STK35: variants seen among roughly 807,000 people sequenced by gnomAD.
The protein encoded by STK35 is serine/threonine-protein kinase 35.
Under a neutral mutation model 37.3 loss-of-function variants are expected in STK35, and 17 were observed. The observed-to-expected ratio is 0.46, with a 90% CI of 0.31 to 0.68. STK35 has a LOEUF of 0.68. Ranked by LOEUF, STK35 falls within the 30% of genes least tolerant of loss-of-function variation. STK35 has a pLI of 0.05. For synonymous variants in STK35, 385 were observed against 319.1 expected, an observed-to-expected ratio of 1.21 and a Z score of -2.20; for missense variants, 595 against 746.7, an observed-to-expected ratio of 0.80 and a Z score of 2.37.
At chr20:2,116,243 A>G (rs1469026354) in intron 2 of STK35, among the ~76,000 whole-genome samples, 1 of 152,184 alleles carries the variant, frequency 6.6e-6, no homozygotes, top group Non-Finnish European at 1.5e-5. Flanking sequence ...TCTACAAGTC[A>G]GGAAAAAAGA....
intron 3 of STK35, among the ~76,000 whole-genome samples, chr20:2,141,967 T>C (rs1404786276): frequency 1.3e-5 from 2 of 152,242 alleles, no homozygotes; most frequent in Non-Finnish European, 2.9e-5. Flanking sequence ...TCTGTTAAGC[T>C]TGGCTTTCAG....
At position 2,146,695 on chromosome 20, in the gene STK35, G is replaced by A. The variant is rs566820039; in HGVS notation, c.*2949G>A. 7 of 152,624 alleles carry A rather than the reference G, an allele frequency of 4.6e-5. No homozygotes were observed. In the South Asian group the frequency reaches 1.5e-3, roughly 32 times the overall value. 9.5% of individuals were successfully genotyped at this position (152,624 alleles called of 1,614,324 possible). ...CTCTCTCTCATTCCCAGAGAGCCACGGGGGAGGGATCACCCTCACCCCCAA... is the reference window on the plus strand; with the variant it reads ...CTCTCTCTCATTCCCAGAGAGCCACAGGGGAGGGATCACCCTCACCCCCAA... On this transcript the variant is annotated 3_prime_UTR_variant, in exon 4 of 4. Transcript: ENST00000381482.
In STK35 at chr20:2,102,897, C is replaced by T; in HGVS notation, c.424C>T (p.Arg142Cys). 9 of 1,565,762 alleles carry T rather than the reference C, an allele frequency of 5.7e-6. No individual in the cohort carries two copies. The highest frequency in any genetic ancestry group is 1.4e-5 in the African/African-American group (1 of 72,254). Residue 142 changes from arginine to cysteine, a missense_variant, in exon 2 of 4, where the codon CGC (arginine) becomes TGC (cysteine). By Grantham distance (180) the Arg-to-Cys change is radical (BLOSUM62 -3). This residue lies in a region of STK35 where 389 missense variants were observed against 320.0 expected (regional missense o/e 1.22). Coordinates refer to ENST00000381482, the MANE Select transcript of STK35 (RefSeq NM_080836.4). ...AAMETGKDGA[R>C]RGTQSPERKR... ...CATGGAAACGGGGAAGGACGGCGCC[C>T]GCAGAGGTACACAAAGCCCGGAGCG...
intron 3 of STK35, among the ~76,000 whole-genome samples, chr20:2,140,216 C>A (rs1285064916): frequency 6.6e-6 from 1 of 152,174 alleles, no homozygotes; most frequent in South Asian, 2.1e-4. Context: ...GATTTTTGCC[C>A]TCAAGGAGCG....
chr20:2,128,722 G>A (rs901371068), intron 3 of STK35, among the ~76,000 whole-genome samples: 1 of 152,138 alleles, frequency 6.6e-6, no homozygotes, highest in Non-Finnish European at 1.5e-5. Context: ...CAGGATTCCT[G>A]TGAAGTCTGA....
At position 2,116,626 on chromosome 20, in the gene STK35, T is replaced by A. The variant is rs377479093; in HGVS notation, c.893-40T>A. The stretch of plus-strand genomic sequence containing the variant: ...TTAGTTAAAAAGAAGTGTGACTGTG[T>A]CCATCTCACTCAAGCTCCTTCCTGT... On this transcript the variant is annotated intron_variant, in intron 2 of 3. Coordinates refer to ENST00000381482, the MANE Select transcript of STK35 (RefSeq NM_080836.4). 11 of 1,576,352 alleles carry A rather than the reference T, an allele frequency of 7.0e-6. No individual in the cohort carries two copies. In the African/African-American group the frequency reaches 1.5e-4, roughly 21 times the overall value.
intron 2 of STK35, among the ~76,000 whole-genome samples, chr20:2,115,521 G>A (rs192655858): frequency 2.0e-4 from 30 of 152,154 alleles, no homozygotes; most frequent in Non-Finnish European, 3.4e-4. Flanking sequence ...TCATCAGTGA[G>A]ATAAAACATC....
intron 3 of STK35, among the ~76,000 whole-genome samples, chr20:2,118,338 A>T (rs74879375): frequency 0.011 from 1,615 of 152,282 alleles, 23 homozygotes; most frequent in African/African-American, 0.034. Flanking sequence ...TATTTAAAAA[A>T]TTTATTCCAA....
chr20:2,143,953 CT>C lies in STK35; in HGVS notation c.*211del, dbSNP rs932666323. On this transcript the variant is annotated 3_prime_UTR_variant, in exon 4 of 4. Transcript: ENST00000381482. The stretch of plus-strand genomic sequence containing the variant: ...AGTTTTGCTTTATTTTTTTCCTTTT[CT>C]TTTCTTTTTTTTTTTTCCTCTTTCC... 5 of 361,536 alleles carry C rather than the reference CT, an allele frequency of 1.4e-5. No individual in the cohort carries two copies. Among genetic ancestry groups the C allele is most frequent in the Non-Finnish European group, 2.0e-5 (4 of 202,254 alleles). 22.4% of individuals were successfully genotyped at this position (361,536 alleles called of 1,614,324 possible).
intron 3 of STK35, among the ~76,000 whole-genome samples, chr20:2,141,744 G>A (rs1215962699): frequency 2.6e-5 from 4 of 152,074 alleles, no homozygotes; most frequent in South Asian, 2.1e-4. Context: ...CATGCTGTGC[G>A]CTACACAACT....
At chr20:2,111,931 C>G (rs1985626721) in intron 2 of STK35, among the ~76,000 whole-genome samples, 1 of 152,210 alleles carries the variant, frequency 6.6e-6, no homozygotes, top group Non-Finnish European at 1.5e-5. Flanking sequence ...GCCTGCCTTC[C>G]TCTCATCCCA....
chr20:2,147,709 A>G lies in STK35; in HGVS notation c.*3963A>G, dbSNP rs1439678034. The stretch of plus-strand genomic sequence containing the variant: ...ACTTACTCTAGGTTGGTCTCAGACT[A>G]TCCCTCCCCTTGGCTGGTTTTCCCT... On this transcript the variant is annotated 3_prime_UTR_variant, in exon 4 of 4. Transcript: ENST00000381482. 4 of 152,062 alleles carry G rather than the reference A, an allele frequency of 2.6e-5. No homozygotes were observed. Among genetic ancestry groups the G allele is most frequent in the African/African-American group, 7.3e-5 (3 of 41,374 alleles). The allele number at this position is 152,062 out of a possible 1,614,324, so 9.4% of individuals were successfully genotyped here. A position where few individuals can be genotyped will look rare whatever the true frequency, so the allele number is the denominator to read the frequency against.
In STK35 at chr20:2,124,738, AACTGTGAAG is replaced by A. The variant is rs575941655; in HGVS notation, c.*37+7326_*37+7334del. ...CGCAGGAAATTGAAGCTCAGTCTTC[AACTGTGAAG>A]ACCCTAGTGGCGCTAGATACCTGTA... is the stretch of plus-strand genomic sequence containing the variant. On this transcript the variant is annotated intron_variant, in intron 3 of 3. Coordinates refer to ENST00000381482, the MANE Select transcript of STK35 (RefSeq NM_080836.4). Among the ~76,000 whole-genome samples the A allele has an allele frequency of 1.0e-3, 154 of 152,304 alleles. 1 individual carries two copies. The highest frequency in any genetic ancestry group is 3.2e-3 in the African/African-American group (133 of 41,560).
Position 2,130,136 on chromosome 20 carries a change from C to T in STK35, c.*37+12721C>T, listed in dbSNP as rs1317956880. Among the ~76,000 whole-genome samples the T allele has an allele frequency of 7.2e-5, 11 of 152,112 alleles. No homozygotes were observed. In the South Asian group the frequency reaches 1.2e-3, roughly 17 times the overall value. On this transcript the variant is annotated intron_variant, in intron 3 of 3. Coordinates refer to ENST00000381482, the MANE Select transcript of STK35 (RefSeq NM_080836.4). Reference sequence around the variant, plus strand: ...TAAGAGTGAATGTTGCAGCAGGAGACGGTTTAGGGGAGTAGGGAGATACAC... The same window carrying T: ...TAAGAGTGAATGTTGCAGCAGGAGATGGTTTAGGGGAGTAGGGAGATACAC...
chr20:2,114,646 C>T (rs1197784541), intron 2 of STK35, among the ~76,000 whole-genome samples: 11 of 152,180 alleles, frequency 7.2e-5, no homozygotes, highest in Non-Finnish European at 1.6e-4. Flanking sequence ...GGTCCAGTCT[C>T]CCCCAACCAC....
intron 3 of STK35, among the ~76,000 whole-genome samples, chr20:2,135,310 C>T (rs1986067998): frequency 1.3e-5 from 2 of 152,134 alleles, no homozygotes; most frequent in Non-Finnish European, 2.9e-5. Flanking sequence ...AAGATGGTGG[C>T]AGGGGGTGGC....
chr20:2,111,288 C>T (rs1171310512), intron 2 of STK35, among the ~76,000 whole-genome samples: 2 of 152,186 alleles, frequency 1.3e-5, no homozygotes, highest in Admixed American at 6.5e-5. Context: ...CTGAAATCAG[C>T]GGTTGACTTA....
In STK35 at chr20:2,116,949, A is replaced by T; in HGVS notation, c.1176A>T (p.Ala392=). ...TAAGCAAGGTCTGTGCTGGGCTGGCACCCCGAGGCAAAGAGGGCAATCAAG... is the reference window on the plus strand; with the variant it reads ...TAAGCAAGGTCTGTGCTGGGCTGGCTCCCCGAGGCAAAGAGGGCAATCAAG... ...FGLSKVCAGL[A]PRGKEGNQDN... Residue 392 remains alanine (A), a synonymous_variant, in exon 3 of 4, where the codon GCA becomes GCT. Coordinates refer to ENST00000381482, the MANE Select transcript of STK35 (RefSeq NM_080836.4). 1 of 1,614,148 alleles carries T rather than the reference A, an allele frequency of 6.2e-7. No homozygotes were observed. The highest frequency in any genetic ancestry group is 8.5e-7 in the Non-Finnish European group (1 of 1,180,030).
At chr20:2,122,971 A>G (rs1985845089) in intron 3 of STK35, among the ~76,000 whole-genome samples, 1 of 152,212 alleles carries the variant, frequency 6.6e-6, no homozygotes, top group Non-Finnish European at 1.5e-5. Flanking sequence ...CTTTTGAAAG[A>G]TGTTTAATAA....
Sources: gnomAD v4.1 joint callset for allele counts (sites outside exome capture counted in the v4.1 genomes callset) on GRCh38, gnomAD v4.1.1 for gene constraint, gnomAD v4.1.1 regional missense constraint, MANE v1.5 for transcripts, NCBI Gene and HGNC (gene_info 2026-07-23, HGNC 2026-07-21) for gene names.